WWOX: variants seen among roughly 807,000 people sequenced by gnomAD.
The protein encoded by WWOX is WW domain-containing oxidoreductase.
WWOX carries 69 observed loss-of-function variants against 46.2 expected under a neutral mutation model. The observed-to-expected ratio is 1.49, with a 90% CI of 1.23 to 1.82. WWOX has a LOEUF of 1.82. Among genes scored for constraint, WWOX ranks in the 40% most tolerant of loss-of-function variants. The pLI is 0.00. For synonymous variants in WWOX, 359 were observed against 202.6 expected (o/e 1.77, Z -6.56); for missense variants, 919 against 542.6 (o/e 1.69, Z -6.89).
intron 8 of WWOX, among the ~76,000 whole-genome samples, chr16:79,039,703 C>G (rs1340812678): frequency 6.6e-6 from 1 of 152,160 alleles, no homozygotes; most frequent in Admixed American, 6.5e-5. Flanking sequence ...TGAGGAGGAG[C>G]AGGGTGATGC....
Position 78,348,014 on chromosome 16 carries a change from ACTTTCT to A in WWOX, c.517-38841_517-38836del, listed in dbSNP as rs1026413039. 3.8e-4 allele frequency among the ~76,000 whole-genome samples: 47 copies of A among 122,704 alleles called. 13 individuals carry two copies. Among genetic ancestry groups the A allele is most frequent in the Middle Eastern group, 3.6e-3 (1 of 274 alleles). 80.5% of individuals were successfully genotyped at this position (122,704 alleles called of 152,430 possible). ...TGCCCAAGTTTTAAAGGAATATAAA[ACTTTCT>A]CTTTAAAAATATACCTTTCTGCTTC... On this transcript the variant is annotated intron_variant, in intron 5 of 8. Transcript: ENST00000566780.
chr16:78,643,183 G>T (rs1419162356), intron 8 of WWOX, among the ~76,000 whole-genome samples: 1 of 152,154 alleles, frequency 6.6e-6, no homozygotes, highest in Admixed American at 6.5e-5. Context: ...AATATTTGCA[G>T]CATGTCTTGC....
intron 8 of WWOX, among the ~76,000 whole-genome samples, chr16:79,083,377 C>A (rs1334548777): frequency 1.3e-5 from 2 of 152,170 alleles, no homozygotes; most frequent in Non-Finnish European, 2.9e-5. Flanking sequence ...CCATGTCTTC[C>A]TCCTGGGTCC....
chr16:78,844,676 C>A (rs6564608), intron 8 of WWOX, among the ~76,000 whole-genome samples: 1 of 152,018 alleles, frequency 6.6e-6, no homozygotes, highest in African/African-American at 2.4e-5. Context: ...TAAAACATAC[C>A]TTTTTAAAGA....
chr16:78,733,419 C>A (rs1439621705), intron 8 of WWOX, among the ~76,000 whole-genome samples: 2 of 152,008 alleles, frequency 1.3e-5, no homozygotes, highest in Non-Finnish European at 2.9e-5. Context: ...CATACCACTG[C>A]ACTCCAGCCT....
At chr16:78,734,538 C>G (rs1350127292) in intron 8 of WWOX, among the ~76,000 whole-genome samples, 1 of 152,076 alleles carries the variant, frequency 6.6e-6, no homozygotes, top group Non-Finnish European at 1.5e-5. Flanking sequence ...AGACCTTGGA[C>G]CTCACTGAAC....
chr16:78,393,248 A>G (rs1035494028), intron 6 of WWOX, among the ~76,000 whole-genome samples: 1 of 152,046 alleles, frequency 6.6e-6, no homozygotes, highest in Admixed American at 6.6e-5. Flanking sequence ...GGCTTTGCAC[A>G]TTTTCCTTCC....
At chr16:79,173,837 C>T (rs1472641843) in intron 8 of WWOX, among the ~76,000 whole-genome samples, 1 of 152,088 alleles carries the variant, frequency 6.6e-6, no homozygotes, top group African/African-American at 2.4e-5. Flanking sequence ...TACTCTCTGA[C>T]TAGAACTATA....
intron 5 of WWOX, among the ~76,000 whole-genome samples, chr16:78,269,914 G>GTTTTTTTT (rs71137883): frequency 0.11 from 13,561 of 123,754 alleles, 684 homozygotes; most frequent in Middle Eastern, 0.16. Context: ...ACATAAGGAA[G>GTTTTTTTT]TTTTTTTTTT....
At chr16:78,127,811 A>G (rs996929605) in intron 4 of WWOX, among the ~76,000 whole-genome samples, 1 of 152,170 alleles carries the variant, frequency 6.6e-6, no homozygotes, top group Non-Finnish European at 1.5e-5. Context: ...TTTTATTGCC[A>G]CTTAAAAAGG....
chr16:78,403,261 G>C (rs2082454601), intron 6 of WWOX, among the ~76,000 whole-genome samples: 1 of 152,142 alleles, frequency 6.6e-6, no homozygotes, highest in Non-Finnish European at 1.5e-5. Flanking sequence ...ACCTATTAAA[G>C]CCCACTCCCT....
chr16:78,690,041 A>G (rs1473692254), intron 8 of WWOX, among the ~76,000 whole-genome samples: 1 of 151,852 alleles, frequency 6.6e-6, no homozygotes, highest in East Asian at 1.9e-4. Flanking sequence ...TTGTATTTTT[A>G]GTAGAGATGC....
At chr16:79,178,487 C>T (rs1359731902) in intron 8 of WWOX, among the ~76,000 whole-genome samples, 1 of 151,976 alleles carries the variant, frequency 6.6e-6, no homozygotes, top group Non-Finnish European at 1.5e-5. Context: ...GGCTAATTTT[C>T]TAAATTTTTT....
chr16:79,134,091 GT>G (rs201777662), intron 8 of WWOX, among the ~76,000 whole-genome samples: 4 of 150,976 alleles, frequency 2.6e-5, no homozygotes, highest in Admixed American at 1.3e-4. Context: ...ATGGGCCTGT[GT>G]TTTTTTTTAA....
rs1567511038 is a variant in WWOX, at chr16:78,338,854, T to C, written c.517-48006T>C. On this transcript the variant is annotated intron_variant, in intron 5 of 8. Coordinates refer to ENST00000566780, the MANE Select transcript of WWOX (RefSeq NM_016373.4). ...TTCTTTTTGTAAAAATTGTACAGAG[T>C]TTAAAGTTAGTCAGGTATGTCTATT... Among the ~76,000 whole-genome samples, 2 of 120,636 alleles carry C rather than the reference T, an allele frequency of 1.7e-5. 1 individual carries two copies. Among genetic ancestry groups the C allele is most frequent in the African/African-American group, 5.6e-5 (2 of 35,716 alleles). 79.1% of individuals were successfully genotyped at this position (120,636 alleles called of 152,430 possible). A position where few individuals can be genotyped will look rare whatever the true frequency, so the allele number is the denominator to read the frequency against.
chr16:78,815,693 G>T lies in WWOX; in HGVS notation c.1056+382941G>T, dbSNP rs757660402. ...GGTTTTAATCCTTCCTTCCCTTCCT[G>T]TTCTTTTAAGGAAATCTGAAAAGGA... On this transcript the variant is annotated intron_variant, in intron 8 of 8. Coordinates refer to ENST00000566780, the MANE Select transcript of WWOX (RefSeq NM_016373.4). Among the ~76,000 whole-genome samples, 18 of 152,126 alleles carry T rather than the reference G, an allele frequency of 1.2e-4. No individual in the cohort carries two copies. In the East Asian group the frequency reaches 2.9e-3, roughly 24 times the overall value.
intron 8 of WWOX, among the ~76,000 whole-genome samples, chr16:78,854,714 G>C (rs571551884): frequency 6.6e-6 from 1 of 152,204 alleles, no homozygotes; most frequent in South Asian, 2.1e-4. Context: ...CCAAGTAGTT[G>C]GGATTACAGG....
At chr16:78,442,561 C>T (rs760092136) in intron 8 of WWOX, among the ~76,000 whole-genome samples, 20 of 152,226 alleles carry the variant, frequency 1.3e-4, no homozygotes, top group African/African-American at 1.9e-4. Context: ...TGTCTTTCTG[C>T]GCCTGGCTTA....
intron 5 of WWOX, among the ~76,000 whole-genome samples, chr16:78,314,693 T>G (rs12933487): frequency 5.1e-5 from 4 of 79,128 alleles, no homozygotes; most frequent in South Asian, 5.0e-4. Context: ...CAGGGGTTTT[T>G]TTTTTTTGTT....
Sources: allele counts gnomAD v4.1 joint callset (sites outside exome capture counted in the v4.1 genomes callset), GRCh38; gene constraint gnomAD v4.1.1; transcripts MANE v1.5; gene names NCBI Gene and HGNC (gene_info 2026-07-23, HGNC 2026-07-21).